FGF10: variants seen among roughly 807,000 people sequenced by gnomAD.
FGF10 encodes the protein fibroblast growth factor 10, also known as FGF-10.
A neutral mutation model predicts 19.8 loss-of-function variants in FGF10; 2 were observed. The observed-to-expected ratio is 0.10, with a 90% CI of 0.04 to 0.32. FGF10 has a LOEUF of 0.32. Among genes scored for constraint, FGF10 ranks in the 10% least tolerant of loss-of-function variants. The pLI, the probability that FGF10 is intolerant of heterozygous loss-of-function variation, is 1.00. For synonymous variants in FGF10, 112 were observed against 94.0 expected, an observed-to-expected ratio of 1.19 and a Z score of -1.10; for missense variants, 191 against 246.3, an observed-to-expected ratio of 0.78 and a Z score of 1.50.
At chr5:44,353,949 A>AT (rs900710081) in intron 1 of FGF10, among the ~76,000 whole-genome samples, 4 of 151,514 alleles carry the variant, frequency 2.6e-5, no homozygotes, top group Admixed American at 1.3e-4. Flanking sequence ...TAATTTGAGG[A>AT]TTTTTTCCTC....
intron 1 of FGF10, among the ~76,000 whole-genome samples, chr5:44,359,087 A>G (rs970736111): frequency 3.3e-5 from 5 of 151,458 alleles, no homozygotes; most frequent in Admixed American, 6.6e-5. Context: ...TTATACCCCA[A>G]TGAGAGCCTC....
chr5:44,352,383 C>A (rs954312600), intron 1 of FGF10, among the ~76,000 whole-genome samples: 4 of 151,554 alleles, frequency 2.6e-5, no homozygotes, highest in Non-Finnish European at 5.9e-5. Context: ...GGTAGCATGA[C>A]CCTTACCAGG....
At chr5:44,383,248 A>C (rs1055815930) in intron 1 of FGF10, among the ~76,000 whole-genome samples, 1 of 151,918 alleles carries the variant, frequency 6.6e-6, no homozygotes, top group Non-Finnish European at 1.5e-5. Flanking sequence ...TAAAGTGTTC[A>C]TTCATGTTCT....
chr5:44,375,148 G>C (rs377274168), intron 1 of FGF10, among the ~76,000 whole-genome samples: 7 of 152,122 alleles, frequency 4.6e-5, no homozygotes, highest in African/African-American at 1.7e-4. Context: ...ATAATATATA[G>C]AAAGAGGACT....
chr5:44,364,219 G>A (rs1741553186), intron 1 of FGF10, among the ~76,000 whole-genome samples: 1 of 151,774 alleles, frequency 6.6e-6, no homozygotes, highest in Non-Finnish European at 1.5e-5. Flanking sequence ...GAGAACCAAA[G>A]CCCTTAGACG....
At chr5:44,375,921 T>C (rs1263700930) in intron 1 of FGF10, among the ~76,000 whole-genome samples, 1 of 152,128 alleles carries the variant, frequency 6.6e-6, no homozygotes, top group Non-Finnish European at 1.5e-5. Context: ...ATAGTATGGG[T>C]ATAACAACGA....
At chr5:44,360,461 A>C (rs1337598503) in intron 1 of FGF10, among the ~76,000 whole-genome samples, 1 of 151,540 alleles carries the variant, frequency 6.6e-6, no homozygotes. Context: ...TGATCCCTGA[A>C]CAGAACAGCA....
chr5:44,327,592 C>T (rs961819253), intron 1 of FGF10, among the ~76,000 whole-genome samples: 3 of 152,186 alleles, frequency 2.0e-5, no homozygotes, highest in African/African-American at 4.8e-5. Context: ...TAAACAACTG[C>T]TTGTTGATTC....
At chr5:44,340,361 A>G (rs1740941793) in intron 1 of FGF10, among the ~76,000 whole-genome samples, 1 of 152,134 alleles carries the variant, frequency 6.6e-6, no homozygotes, top group Non-Finnish European at 1.5e-5. Context: ...CCTTGTATCC[A>G]TAAAGTGCCA....
intron 1 of FGF10, among the ~76,000 whole-genome samples, chr5:44,338,828 A>G (rs953866902): frequency 6.6e-5 from 10 of 152,206 alleles, no homozygotes; most frequent in African/African-American, 1.4e-4. Context: ...GAGACATGTT[A>G]TTGTTATTGA....
chr5:44,344,910 T>G (rs185948500), intron 1 of FGF10, among the ~76,000 whole-genome samples: 2 of 150,818 alleles, frequency 1.3e-5, no homozygotes, highest in Admixed American at 6.6e-5. Context: ...ATAAGCAGTA[T>G]ATACAATTAC....
At chr5:44,320,286 C>A (rs545174413) in intron 1 of FGF10, among the ~76,000 whole-genome samples, 1 of 152,308 alleles carries the variant, frequency 6.6e-6, no homozygotes, top group South Asian at 2.1e-4. Context: ...CAGAATCTAG[C>A]ACTTAATTTA....
chr5:44,351,023 T>A (rs560729581), intron 1 of FGF10, among the ~76,000 whole-genome samples: 1 of 151,570 alleles, frequency 6.6e-6, no homozygotes, highest in South Asian at 2.1e-4. Context: ...AAAATTAACC[T>A]TCTTGGGTAA....
intron 1 of FGF10, among the ~76,000 whole-genome samples, chr5:44,363,331 G>A (rs1389740028): frequency 1.3e-5 from 2 of 151,732 alleles, no homozygotes; most frequent in Non-Finnish European, 2.9e-5. Flanking sequence ...ATGACACCTG[G>A]AAACTTAGAT....
At chr5:44,355,262 G>A (rs1421331225) in intron 1 of FGF10, among the ~76,000 whole-genome samples, 1 of 151,204 alleles carries the variant, frequency 6.6e-6, no homozygotes, top group Non-Finnish European at 1.5e-5. Context: ...TCTGATGTAT[G>A]TGGCTTCAAA....
At chr5:44,335,196 A>G (rs1740819015) in intron 1 of FGF10, among the ~76,000 whole-genome samples, 2 of 152,182 alleles carry the variant, frequency 1.3e-5, no homozygotes, top group East Asian at 1.9e-4. Flanking sequence ...GGCTCATAAC[A>G]TAACAATAAT....
chr5:44,314,832 C>A (rs1235733781), intron 1 of FGF10, among the ~76,000 whole-genome samples: 1 of 152,034 alleles, frequency 6.6e-6, no homozygotes, highest in East Asian at 1.9e-4. Flanking sequence ...AATGAAAAAG[C>A]TATTGGTCTG....
chr5:44,350,730 AT>A (rs764193012), intron 1 of FGF10, among the ~76,000 whole-genome samples: 1 of 151,082 alleles, frequency 6.6e-6, no homozygotes, highest in Non-Finnish European at 1.5e-5. Flanking sequence ...TCTATCCATC[AT>A]TCATTTCATG....
chr5:44,308,709 C>T (rs1173514245), intron 2 of FGF10, among the ~76,000 whole-genome samples: 6 of 152,022 alleles, frequency 3.9e-5, no homozygotes, highest in African/African-American at 1.5e-4. Context: ...AAGCATTTGC[C>T]CTAGTCCCAG....
Sources: allele counts gnomAD v4.1 joint callset (sites outside exome capture counted in the v4.1 genomes callset), GRCh38; gene constraint gnomAD v4.1.1; transcripts MANE v1.5; gene names NCBI Gene and HGNC (gene_info 2026-07-23, HGNC 2026-07-21).